Variants in RNASEL observed in about 807,000 individuals in gnomAD.
The protein encoded by RNASEL is 2-5A-dependent ribonuclease.
Under a neutral mutation model 50.9 loss-of-function variants are expected in RNASEL, and 36 were observed. That is an observed-to-expected ratio of 0.71 (90% CI 0.54 to 0.93). The LOEUF (loss-of-function observed/expected upper bound fraction) is 0.93, where lower values mean the gene tolerates loss of function less well. RNASEL is among the 40% of genes least tolerant of loss of function. RNASEL has a pLI of 0.00. For missense variants in RNASEL, 860 were observed against 894.5 expected (o/e 0.96, Z 0.49); for synonymous variants, 335 against 335.6 (o/e 1.00, Z 0.02).
rs2102372571 is a variant in RNASEL, at chr1:182,586,687, C to G, written c.120G>C (p.Leu40=). 1 of 1,614,170 alleles carries G rather than the reference C, an allele frequency of 6.2e-7. No homozygotes were observed. The highest frequency in any genetic ancestry group is 1.1e-5 in the South Asian group (1 of 91,080). The change falls in exon 2 of 7, where the codon CTG becomes CTC. Residue 40 remains leucine, a synonymous_variant. Transcript: ENST00000367559. ...IKAVQNEDVD[L]VQQLLEGGAN... is the part of the protein sequence containing the mutation. The stretch of plus-strand genomic sequence containing the variant: ...CTCCACCTTCCAGCAATTGCTGGAC[C>G]AGGTCAACATCTTCGTTTTGAACAG...
chr1:182,586,256 A>C lies in RNASEL; in HGVS notation c.551T>G (p.Leu184Trp). 1 of 1,614,154 alleles carries C rather than the reference A, an allele frequency of 6.2e-7. No homozygotes were observed. The highest frequency in any genetic ancestry group is 8.5e-7 in the Non-Finnish European group (1 of 1,180,020). ...CCCCATCTCATCAAGGAGAATCTTCAAGACCTCTACGTGTCCTTTTTCAGC... is the reference window on the plus strand; with the variant it reads ...CCCCATCTCATCAAGGAGAATCTTCCAGACCTCTACGTGTCCTTTTTCAGC... ...DAAEKGHVEV[L>W]KILLDEMGAD... Residue 184 changes from leucine (L) to tryptophan (W), a missense_variant, in exon 2 of 7, where the codon TTG becomes TGG. Physicochemically the swap from Leu to Trp is moderately conservative, Grantham distance 61 (BLOSUM62 -2). Transcript: ENST00000367559.
At chr1:182,579,668 A>G in intron 5 of RNASEL, 3 of 1,146,356 alleles carry the variant, frequency 2.6e-6, no homozygotes, top group Non-Finnish European at 3.3e-6. Flanking sequence ...ATTAAAAGGT[A>G]AAACTTGAAG....
In RNASEL at chr1:182,585,191, A is replaced by T. The variant is rs1312843750; in HGVS notation, c.1480+136T>A. The T allele has an allele frequency of 5.6e-6, 5 of 885,880 alleles. No homozygotes were observed. In the East Asian group the frequency reaches 9.8e-5, roughly 17 times the overall value. 54.9% of individuals were successfully genotyped at this position (885,880 alleles called of 1,614,324 possible). A position where few individuals can be genotyped will look rare whatever the true frequency, so the allele number is the denominator to read the frequency against. On this transcript the variant is annotated intron_variant, in intron 2 of 6. Transcript: ENST00000367559. ...AGGAGACACTGCACTGTAATTATGA[A>T]TTTGTTGTAATAATGATCCACAAAT...
At position 182,586,908 on chromosome 1, in the gene RNASEL, T is replaced by C; in HGVS notation, c.-102A>G. The C allele has an allele frequency of 6.8e-7, 1 of 1,479,610 alleles. No homozygotes were observed. Among genetic ancestry groups the C allele is most frequent in the Non-Finnish European group, 9.4e-7 (1 of 1,066,816 alleles). 91.7% of individuals were successfully genotyped at this position (1,479,610 alleles called of 1,614,324 possible). On this transcript the variant is annotated 5_prime_UTR_variant, in exon 2 of 7. Transcript: ENST00000367559. ...AAGAAGCTTTGAGTGTAAATTGGGATTCTCTGGCAACAGAGCAGCAGTATG... is the reference window on the plus strand; with the variant it reads ...AAGAAGCTTTGAGTGTAAATTGGGACTCTCTGGCAACAGAGCAGCAGTATG...
At chr1:182,579,729 A>G in intron 5 of RNASEL, 1 of 1,175,710 alleles carries the variant, frequency 8.5e-7, no homozygotes, top group East Asian at 6.7e-5. Context: ...GAATTTAGGG[A>G]AAAGAACCAA....
chr1:182,580,248 A>G (rs1661466596), intron 5 of RNASEL, among the ~76,000 whole-genome samples: 1 of 152,232 alleles, frequency 6.6e-6, no homozygotes, highest in African/African-American at 2.4e-5. Flanking sequence ...GGGATACAAT[A>G]ACTGACAAGA....
intron 1 of RNASEL, among the ~76,000 whole-genome samples, chr1:182,587,513 T>C (rs1248919433): frequency 1.3e-5 from 2 of 151,878 alleles, no homozygotes; most frequent in East Asian, 1.9e-4. Context: ...AAGAATTTAA[T>C]GACTATTCAA....
Position 182,574,608 on chromosome 1 carries a change from C to G in RNASEL, c.*784G>C. On this transcript the variant is annotated 3_prime_UTR_variant, in exon 7 of 7. Transcript: ENST00000367559. ...GTTGCAGGGGCTGTCCTGTGCAAGG[C>G]AGGTTTGGCAGCATCCCTGGTCTTT... 4.3e-6 allele frequency: 1 copy of G among 232,782 alleles called. No homozygotes were observed. 14.4% of individuals were successfully genotyped at this position (232,782 alleles called of 1,614,324 possible). A position where few individuals can be genotyped will look rare whatever the true frequency, so the allele number is the denominator to read the frequency against.
intron 1 of RNASEL, among the ~76,000 whole-genome samples, chr1:182,587,580 A>G (rs1661624606): frequency 6.6e-6 from 1 of 151,336 alleles, no homozygotes; most frequent in South Asian, 2.1e-4. Flanking sequence ...TTTCAATGTC[A>G]TATAAATATA....
intron 3 of RNASEL, among the ~76,000 whole-genome samples, chr1:182,583,435 C>T (rs1407453898): frequency 2.0e-5 from 3 of 152,122 alleles, no homozygotes; most frequent in African/African-American, 7.2e-5. Context: ...AATAGAATGC[C>T]CTCCAATTGC....
At chr1:182,587,122 A>T (rs1197904251) in intron 1 of RNASEL, among the ~76,000 whole-genome samples, 152 bp from the exon 2 acceptor site, 1 of 152,122 alleles carries the variant, frequency 6.6e-6, no homozygotes, top group Non-Finnish European at 1.5e-5. Context: ...ATGTAAATTC[A>T]AAATAAGAAA....
intron 2 of RNASEL, 139 bp downstream of exon 2, chr1:182,585,188 T>C (rs1661566538): frequency 1.1e-6 from 1 of 871,374 alleles, no homozygotes; most frequent in Non-Finnish European, 1.8e-6. Flanking sequence ...ACTGTAATTA[T>C]GAATTTGTTG....
rs2102372138 is a variant in RNASEL at position 182,586,527 on chromosome 1, T to A, written c.280A>T (p.Thr94Ser). ...DPVLRKKNGA[T>S]PFILAAIAGS... is the part of the protein sequence containing the mutation. ...GCAATCGCTGCGAGGATAAAAGGCG[T>A]GGCCCCATTCTTCTTCCTCAGAACA... is the stretch of plus-strand genomic sequence containing the variant. Residue 94 changes from threonine to serine, a missense_variant, in exon 2 of 7, where the codon ACG (threonine) becomes TCG (serine). By Grantham distance (58) the Thr-to-Ser change is moderately conservative. Transcript: ENST00000367559. 1 of 1,609,964 alleles carries A rather than the reference T, an allele frequency of 6.2e-7. No individual in the cohort carries two copies. The highest frequency in any genetic ancestry group is 8.5e-7 in the Non-Finnish European group (1 of 1,177,080).
Position 182,584,129 on chromosome 1 carries a change from C to G in RNASEL, c.1518G>C (p.Lys506Asn), listed in dbSNP as rs747456599. 1.5e-5 allele frequency: 24 copies of G among 1,613,926 alleles called. No homozygotes were observed. The highest frequency in any genetic ancestry group is 1.7e-5 in the Admixed American group (1 of 60,002). Residue 506 changes from lysine to asparagine, a missense_variant, in exon 3 of 7, where the codon AAG becomes AAC. Transcript: ENST00000367559. ...GTGGATCTCCAGCCCACTTGATGCTCTTATCAAAATCTGCCAGGTGAGCAG... is the reference window on the plus strand; with the variant it reads ...GTGGATCTCCAGCCCACTTGATGCTGTTATCAAAATCTGCCAGGTGAGCAG... ...KKAAHLADFD[K>N]SIKWAGDPQE...
Position 182,575,288 on chromosome 1 carries a change from A to T in RNASEL, c.*104T>A. The T allele has an allele frequency of 6.2e-6, 7 of 1,120,612 alleles. No individual in the cohort carries two copies. The highest frequency in any genetic ancestry group is 9.5e-6 in the Non-Finnish European group (7 of 733,016). The allele number at this position is 1,120,612 out of a possible 1,614,324, so 69.4% of individuals were successfully genotyped here. A position where few individuals can be genotyped will look rare whatever the true frequency, so the allele number is the denominator to read the frequency against. On this transcript the variant is annotated 3_prime_UTR_variant, in exon 7 of 7. Transcript: ENST00000367559. Reference sequence around the variant, plus strand: ...GACTGACATATCAGCTATGCAACTCATCCCTCACAAGCAACCTGGTGAGTT... The same window carrying T: ...GACTGACATATCAGCTATGCAACTCTTCCCTCACAAGCAACCTGGTGAGTT...
intron 5 of RNASEL, chr1:182,579,051 G>A (rs1661442725): frequency 6.2e-6 from 1 of 160,524 alleles, no homozygotes; most frequent in South Asian, 2.0e-4. Context: ...GTACAGAGTG[G>A]AATAATATAA....
Position 182,586,985 on chromosome 1 carries a change from A to G in RNASEL, c.-164-15T>C. 1.4e-6 allele frequency: 1 copy of G among 704,816 alleles called. No homozygotes were observed. Among genetic ancestry groups the G allele is most frequent in the Non-Finnish European group, 2.4e-6 (1 of 423,142 alleles). The allele number at this position is 704,816 out of a possible 1,614,324, so 43.7% of individuals were successfully genotyped here. On this transcript the variant is annotated splice_polypyrimidine_tract_variant and intron_variant, in intron 1 of 6. Transcript: ENST00000367559. ...TGACATTCCACCTGGCAACGAAGAG[A>G]GGTGCTTTGTAATTTTACAATAGGG...
At chr1:182,585,058 T>A (rs1456261657) in intron 2 of RNASEL, among the ~76,000 whole-genome samples, 1 of 152,244 alleles carries the variant, frequency 6.6e-6, no homozygotes, top group African/African-American at 2.4e-5. Flanking sequence ...ATCCATGACA[T>A]GCCTTCATCT....
At chr1:182,579,211 C>T (rs1661445390) in intron 5 of RNASEL, 1 of 979,670 alleles carries the variant, frequency 1.0e-6, no homozygotes, top group Admixed American at 6.1e-5. Flanking sequence ...TACTAGTACC[C>T]TCTAAAATTT....
Sources: allele counts gnomAD v4.1 joint callset (sites outside exome capture counted in the v4.1 genomes callset), GRCh38; gene constraint gnomAD v4.1.1; transcripts MANE v1.5; gene names NCBI Gene and HGNC (gene_info 2026-07-23, HGNC 2026-07-21).